The following STK39 variants were observed in gnomAD, a reference collection of about 807,000 sequenced individuals.
The protein encoded by STK39 is serine/threonine kinase 39.
A neutral mutation model predicts 77.8 loss-of-function variants in STK39; 20 were observed. The observed-to-expected ratio is 0.26, with a 90% confidence interval of 0.18 to 0.37. The LOEUF (loss-of-function observed/expected upper bound fraction) is 0.37, where lower values mean the gene tolerates loss of function less well. Among genes scored for constraint, STK39 ranks in the 10% least tolerant of loss-of-function variants. The probability of loss-of-function intolerance (pLI) is 1.00; values close to 1 mark genes in which losing one functional copy is unlikely to be tolerated. For missense variants in STK39, 479 were observed against 656.5 expected, an observed-to-expected ratio of 0.73 and a Z score of 2.95; for synonymous variants, 246 against 234.1, an observed-to-expected ratio of 1.05 and a Z score of -0.47.
At chr2:168,226,099 T>C (rs1435855447) in intron 1 of STK39, among the ~76,000 whole-genome samples, 1 of 152,092 alleles carries the variant, frequency 6.6e-6, no homozygotes, top group African/African-American at 2.4e-5. Context: ...CATGCACAGA[T>C]AGTAGGTAAG....
intron 12 of STK39, among the ~76,000 whole-genome samples, chr2:168,074,069 A>G (rs1466780058): frequency 1.3e-5 from 2 of 152,110 alleles, no homozygotes; most frequent in Non-Finnish European, 2.9e-5. Context: ...ATGGAGAGAG[A>G]AGGATGAGAG....
At chr2:168,071,325 T>C (rs1034922126) in intron 12 of STK39, among the ~76,000 whole-genome samples, 4 of 152,078 alleles carry the variant, frequency 2.6e-5, no homozygotes, top group African/African-American at 9.7e-5. Flanking sequence ...GTCTACTAGA[T>C]GCAAAAGAAA....
chr2:168,092,537 T>C (rs1321300008), intron 10 of STK39, among the ~76,000 whole-genome samples: 1 of 152,250 alleles, frequency 6.6e-6, no homozygotes, highest in Non-Finnish European at 1.5e-5. Flanking sequence ...ATAACATAGC[T>C]GTATATGTAT....
At chr2:168,232,222 T>C (rs1245891715) in intron 1 of STK39, 2 of 177,876 alleles carry the variant, frequency 1.1e-5, no homozygotes, top group East Asian at 2.7e-4. Context: ...GCAAAAGATC[T>C]AAGTTTTCAT....
chr2:168,113,187 G>A (rs1260945873), intron 10 of STK39: 2 of 152,188 alleles, frequency 1.3e-5, no homozygotes, highest in African/African-American at 4.8e-5. Flanking sequence ...TCCTCCACAA[G>A]CTAGAATGTC....
intron 14 of STK39, among the ~76,000 whole-genome samples, chr2:168,043,381 T>C (rs1685158110): frequency 6.6e-6 from 1 of 152,130 alleles, no homozygotes; most frequent in Non-Finnish European, 1.5e-5. Context: ...ATTTTTAAAT[T>C]GAAAATAAAT....
chr2:168,021,805 G>A (rs898734324), intron 14 of STK39, among the ~76,000 whole-genome samples: 2 of 150,752 alleles, frequency 1.3e-5, no homozygotes, highest in Non-Finnish European at 3.0e-5. Flanking sequence ...TTTTAAGTAG[G>A]TGATACAATC....
At chr2:167,983,472 AAATGAAAGGAAGGAAGG>A (rs1683480274) in intron 16 of STK39, among the ~76,000 whole-genome samples, 1 of 92,366 alleles carries the variant, frequency 1.1e-5, no homozygotes, top group South Asian at 4.7e-4. Flanking sequence ...AAAAAAAAAG[AAATGAAAGGAAGGAAGG>A]AAGGAAGGAA....
chr2:168,015,577 A>G (rs999422987), intron 15 of STK39, among the ~76,000 whole-genome samples: 2 of 152,242 alleles, frequency 1.3e-5, no homozygotes, highest in Non-Finnish European at 2.9e-5. Context: ...TGGTCCAGTA[A>G]TGCTGACAGG....
intron 5 of STK39, among the ~76,000 whole-genome samples, chr2:168,143,994 C>T (rs1268299483): frequency 6.6e-6 from 1 of 152,184 alleles, no homozygotes; most frequent in Non-Finnish European, 1.5e-5. Context: ...ACAGCATCTC[C>T]GGCACCCTGG....
rs556948089 is a variant in STK39, at chr2:168,142,793, CCTAATAT to C, written c.629-2042_629-2036del. ...AATTTCAGGAGCAGAAAACAACAAT[CCTAATAT>C]CTACTCCCTCTATGACTACAGAAGA... On this transcript the variant is annotated intron_variant, in intron 5 of 17. Transcript: ENST00000355999. Among the ~76,000 whole-genome samples, 33 of 152,310 alleles carry C rather than the reference CCTAATAT, an allele frequency of 2.2e-4. 1 individual carries two copies. The East Asian group carries it at 5.2e-3, about 24-fold the overall frequency.
At chr2:168,172,383 G>T (rs1688850859) in intron 2 of STK39, among the ~76,000 whole-genome samples, 1 of 152,104 alleles carries the variant, frequency 6.6e-6, no homozygotes. Context: ...AGGTCATTTG[G>T]TCATGAATTT....
intron 17 of STK39, among the ~76,000 whole-genome samples, chr2:167,962,163 G>A (rs10211182): frequency 6.6e-6 from 1 of 152,078 alleles, no homozygotes; most frequent in Non-Finnish European, 1.5e-5. Context: ...GAAAGGCACT[G>A]AGATGAAAAT....
chr2:168,167,854 A>G (rs1427689629), intron 2 of STK39, among the ~76,000 whole-genome samples: 1 of 152,152 alleles, frequency 6.6e-6, no homozygotes, highest in Non-Finnish European at 1.5e-5. Context: ...AACGACAACA[A>G]AACTGTCCCT....
At chr2:168,023,067 C>A (rs2166962) in intron 14 of STK39, among the ~76,000 whole-genome samples, 116,542 of 151,948 alleles carry the variant, frequency 0.77, 44,939 homozygotes, top group African/African-American at 0.81. Context: ...GGCATGTGCC[C>A]CCATACCTGG....
rs1487449837 is a variant in STK39 at position 168,169,853 on chromosome 2, G to C, written c.322-2446C>G. Among the ~76,000 whole-genome samples the C allele has an allele frequency of 2.6e-5, 4 of 152,212 alleles. No individual in the cohort carries two copies. The East Asian group carries it at 7.7e-4, about 29-fold the overall frequency. ...CAGTATAAGGACAGGTAAAAGAAGG[G>C]GCAGGGGGCCCAAGAGTGGCTTTCC... On this transcript the variant is annotated intron_variant, in intron 2 of 17. Transcript: ENST00000355999.
At chr2:168,060,231 A>G (rs778976233) in intron 14 of STK39, among the ~76,000 whole-genome samples, 3 of 152,216 alleles carry the variant, frequency 2.0e-5, no homozygotes, top group Non-Finnish European at 4.4e-5. Context: ...ATTTAGCGAA[A>G]AAAAAAGTAC....
At chr2:168,189,914 T>A (rs919245524) in intron 1 of STK39, among the ~76,000 whole-genome samples, 2 of 152,182 alleles carry the variant, frequency 1.3e-5, no homozygotes, top group Middle Eastern at 3.2e-3. Context: ...GTTTACCTTC[T>A]AAGAAAAAGA....
At chr2:168,083,385 A>T (rs1233535354) in intron 10 of STK39, among the ~76,000 whole-genome samples, 12 of 152,164 alleles carry the variant, frequency 7.9e-5, no homozygotes, top group Non-Finnish European at 1.0e-4. Context: ...ATTTTTTAAA[A>T]ATCACTTCTT....
Sources: allele counts gnomAD v4.1 joint callset (sites outside exome capture counted in the v4.1 genomes callset), GRCh38; gene constraint gnomAD v4.1.1; transcripts MANE v1.5; gene names NCBI Gene and HGNC (gene_info 2026-07-23, HGNC 2026-07-21).